Variants in USP18 observed in about 807,000 individuals in gnomAD.
USP18 encodes the protein ubiquitin specific peptidase 18, also known as ubl carboxyl-terminal hydrolase 18.
In USP18, 11 loss-of-function variants were observed where a neutral mutation model predicts 48.7. The observed-to-expected ratio is 0.23, with a 90% CI of 0.14 to 0.37. USP18 has a LOEUF of 0.37. Ranked by LOEUF, USP18 falls within the 10% of genes least tolerant of loss-of-function variation. The probability of loss-of-function intolerance (pLI) is 1.00; values close to 1 mark genes in which losing one functional copy is unlikely to be tolerated. For missense variants in USP18, 285 were observed against 436.4 expected (o/e 0.65, Z 3.09); for synonymous variants, 114 against 163.2 (o/e 0.70, Z 2.30).
chr22:18,157,930 T>C, intron 2 of USP18, 110 bp downstream of exon 2: 1 of 1,425,378 alleles, frequency 7.0e-7, no homozygotes, highest in South Asian at 1.3e-5. Context: ...TGCTTTCCTG[T>C]GCCTGAGTTT....
Position 18,169,862 on chromosome 22 carries a change from T to C in USP18, c.646T>C (p.Phe216Leu), listed in dbSNP as rs1214150535. Residue 216 changes from phenylalanine to leucine, a missense_variant, in exon 7 of 11, where the codon TTC (phenylalanine) becomes CTC (leucine). Phe to Leu is a conservative substitution (Grantham distance 22, BLOSUM62 0). Around this residue, in one of 5 missense-constraint regions of USP18, gnomAD observed 34 missense variants for 94.8 expected, o/e 0.36. Coordinates refer to ENST00000215794, the MANE Select transcript of USP18 (RefSeq NM_017414.4). The part of the protein sequence containing the change: ...LKTLEDALHC[F>L]FQPRELSSKS... ...GGGACAGGAGGACGCCCTGCACTGC[T>C]TCTTCCAGCCCAGGGAGTTATCAAG... is the stretch of plus-strand genomic sequence containing the variant. The C allele has an allele frequency of 1.1e-5, 18 of 1,602,062 alleles. No homozygotes were observed. The highest frequency in any genetic ancestry group is 1.5e-5 in the Non-Finnish European group (18 of 1,173,774).
At chr22:18,172,112 A>G (rs1056499418) in intron 8 of USP18, among the ~76,000 whole-genome samples, 50 of 152,196 alleles carry the variant, frequency 3.3e-4, no homozygotes, top group Non-Finnish European at 7.1e-4. Flanking sequence ...ACAACAACAA[A>G]AAAGACTTTG....
rs1929305370 is a variant in USP18 at position 18,160,649 on chromosome 22, C to CT, written c.254+386dup. ...ATTCAGTTATTCACAGTGACTTGGA[C>CT]TTTTTGAGATCTTCTCTCAAAAGCT... On this transcript the variant is annotated intron_variant, in intron 3 of 10. Transcript: ENST00000215794. Among the ~76,000 whole-genome samples the CT allele has an allele frequency of 2.0e-5, 3 of 152,030 alleles. No individual in the cohort carries two copies. In the South Asian group the frequency reaches 6.2e-4, roughly 32 times the overall value.
intron 2 of USP18, among the ~76,000 whole-genome samples, chr22:18,158,769 C>T (rs2123730013): frequency 6.6e-6 from 1 of 152,300 alleles, no homozygotes. Context: ...TTATTTCCTG[C>T]CTCCCTGTAG....
chr22:18,163,331 T>C (rs1929377953), intron 4 of USP18, among the ~76,000 whole-genome samples: 1 of 152,152 alleles, frequency 6.6e-6, no homozygotes, highest in Non-Finnish European at 1.5e-5. Context: ...TGTTATTTTC[T>C]GTACTTTAGT....
chr22:18,162,085 G>A (rs1243757293), intron 4 of USP18, 150 bp downstream of exon 4: 37 of 859,650 alleles, frequency 4.3e-5, no homozygotes, highest in Non-Finnish European at 6.1e-5. Context: ...TTGTGTAAGA[G>A]GCACACATCT....
At position 18,153,564 on chromosome 22, in the gene USP18, A is replaced by G. The variant is rs549208363; in HGVS notation, c.-107+3342A>G. On this transcript the variant is annotated intron_variant, in intron 1 of 10. Coordinates refer to ENST00000215794, the MANE Select transcript of USP18 (RefSeq NM_017414.4). ...CTCAGTCTCCCAAGTAGCTGGGACC[A>G]CAAGTACATGCCACCATGCTAGGCT... Among the ~76,000 whole-genome samples the G allele has an allele frequency of 7.2e-5, 11 of 152,314 alleles. 1 individual carries two copies. The South Asian group carries it at 2.3e-3, about 32-fold the overall frequency.
intron 5 of USP18, among the ~76,000 whole-genome samples, chr22:18,167,657 C>T (rs368386331): frequency 6.9e-6 from 1 of 144,868 alleles, no homozygotes; most frequent in Non-Finnish European, 1.5e-5. Context: ...GAGATCGCGC[C>T]ACTGCACTCC....
At chr22:18,151,684 A>C (rs1274600878) in intron 1 of USP18, among the ~76,000 whole-genome samples, 4 of 152,092 alleles carry the variant, frequency 2.6e-5, no homozygotes, top group Admixed American at 6.6e-5. Flanking sequence ...GAGTAGTCCC[A>C]AAATTTCCCT....
intron 1 of USP18, among the ~76,000 whole-genome samples, chr22:18,150,544 C>T (rs1292032376): frequency 2.6e-5 from 4 of 152,184 alleles, no homozygotes; most frequent in Non-Finnish European, 5.9e-5. Flanking sequence ...TTGTTTGTAC[C>T]TTATCAGAAA....
intron 10 of USP18, among the ~76,000 whole-genome samples, chr22:18,174,090 G>T (rs1338660380): frequency 6.6e-6 from 1 of 152,084 alleles, no homozygotes; most frequent in South Asian, 2.1e-4. Flanking sequence ...CTTCCTGGCC[G>T]TATTGTCCTC....
chr22:18,153,520 G>A (rs1006179019), intron 1 of USP18, among the ~76,000 whole-genome samples: 6 of 152,110 alleles, frequency 3.9e-5, no homozygotes, highest in African/African-American at 1.2e-4. Flanking sequence ...AAATTCCTGG[G>A]CTCAACTGAT....
At chr22:18,151,976 C>A (rs1181992041) in intron 1 of USP18, among the ~76,000 whole-genome samples, 2 of 152,094 alleles carry the variant, frequency 1.3e-5, no homozygotes, top group African/African-American at 4.8e-5. Flanking sequence ...ATGGCGTGAA[C>A]CTGGGAGGCG....
At chr22:18,156,978 T>G (rs1228243333) in intron 1 of USP18, among the ~76,000 whole-genome samples, 4 of 152,216 alleles carry the variant, frequency 2.6e-5, no homozygotes, top group Admixed American at 2.0e-4. Context: ...CGGGTACCCC[T>G]ATGGCCACTG....
In USP18 at chr22:18,160,193, T is replaced by C. The variant is rs754516517; in HGVS notation, c.179T>C (p.Ile60Thr). ...ATAGGCCTGGTTGGTTTACACAACA[T>C]TGGACAGACCTGCTGCCTTAACTCC... ...YPHGLVGLHN[I>T]GQTCCLNSLI... is the part of the protein sequence containing the mutation. Residue 60 changes from isoleucine (I) to threonine (T), a missense_variant, in exon 3 of 11, where the codon ATT (isoleucine) becomes ACT (threonine). Physicochemically the swap from Ile to Thr is moderately conservative, Grantham distance 89. Coordinates refer to ENST00000215794, the MANE Select transcript of USP18 (RefSeq NM_017414.4). The C allele has an allele frequency of 3.7e-6, 6 of 1,614,088 alleles. No homozygotes were observed. The highest frequency in any genetic ancestry group is 2.2e-5 in the East Asian group (1 of 44,898).
rs1219125087 is a variant in USP18 at position 18,173,834 on chromosome 22, C to G, written c.1065C>G (p.Asn355Lys). ...TCCAGTGTACCTACGGAAATCCTAA[C>G]TACCACTGGTAAGAAACAGATTTGG... Reference protein sequence around the residue: ...EDIQCTYGNPNYHWQETAYLL... With the variant: ...EDIQCTYGNPKYHWQETAYLL... The change falls in exon 10 of 11, where the codon AAC becomes AAG. Residue 355 changes from asparagine to lysine, a missense_variant. Around this residue, in one of 5 missense-constraint regions of USP18, gnomAD observed 44 missense variants for 64.4 expected, o/e 0.68. Transcript: ENST00000215794. 6.2e-7 allele frequency: 1 copy of G among 1,602,454 alleles called. No individual in the cohort carries two copies. The highest frequency in any genetic ancestry group is 8.5e-7 in the Non-Finnish European group (1 of 1,171,104).
chr22:18,153,488 G>A (rs569766771), intron 1 of USP18, among the ~76,000 whole-genome samples: 2 of 151,808 alleles, frequency 1.3e-5, no homozygotes, highest in South Asian at 4.2e-4. Flanking sequence ...GCCGTGGCAC[G>A]ATCATAACTC....
intron 4 of USP18, 123 bp downstream of exon 4, chr22:18,162,058 T>A (rs1775057463): frequency 6.2e-6 from 8 of 1,286,338 alleles, no homozygotes; most frequent in Non-Finnish European, 8.3e-6. Flanking sequence ...CCTGGACCCC[T>A]CAGATTATAG....
intron 4 of USP18, among the ~76,000 whole-genome samples, chr22:18,165,934 C>T (rs1185880339): frequency 6.6e-6 from 1 of 152,066 alleles, no homozygotes; most frequent in Non-Finnish European, 1.5e-5. Flanking sequence ...AAATGCCCCT[C>T]TCTCCTCCAA....
Sources: gnomAD v4.1 joint callset for allele counts (sites outside exome capture counted in the v4.1 genomes callset) on GRCh38, gnomAD v4.1.1 for gene constraint, gnomAD v4.1.1 regional missense constraint, MANE v1.5 for transcripts, NCBI Gene and HGNC (gene_info 2026-07-23, HGNC 2026-07-21) for gene names.